CFH: variants seen among roughly 807,000 people sequenced by gnomAD.
CFH encodes the protein H factor 1 (complement).
Under a neutral mutation model 147.3 loss-of-function variants are expected in CFH, and 53 were observed. The observed-to-expected ratio is 0.36, with a 90% CI of 0.29 to 0.45. The LOEUF (loss-of-function observed/expected upper bound fraction) is 0.45, where lower values mean the gene tolerates loss of function less well. Among genes scored for constraint, CFH ranks in the 20% least tolerant of loss-of-function variants. The pLI is 1.00. For missense variants in CFH, 1,380 were observed against 1,498.0 expected, an observed-to-expected ratio of 0.92 and a Z score of 1.30; for synonymous variants, 536 against 489.4, an observed-to-expected ratio of 1.10 and a Z score of -1.26.
chr1:196,661,506 T>C (rs1488363669), intron 1 of CFH, among the ~76,000 whole-genome samples: 1 of 152,178 alleles, frequency 6.6e-6, no homozygotes, highest in African/African-American at 2.4e-5. Context: ...TGCTCTCTGG[T>C]TCATAGACAG....
In CFH at chr1:196,673,572, G is replaced by A. The variant is rs182283216; in HGVS notation, c.245-285G>A. On this transcript the variant is annotated intron_variant, in intron 2 of 21. Transcript: ENST00000367429. ...AGGCTGGTCTCGAACTCCTGGCCTC[G>A]TGATCCACCCACCTCAGCCTCCCAA... Among the ~76,000 whole-genome samples the A allele has an allele frequency of 3.0e-3, 451 of 152,170 alleles. 2 individuals carry two copies. The highest frequency in any genetic ancestry group is 0.013 in the East Asian group (68 of 5,158).
intron 9 of CFH, among the ~76,000 whole-genome samples, chr1:196,701,762 T>C (rs1224407153): frequency 6.6e-6 from 1 of 152,180 alleles, no homozygotes; most frequent in African/African-American, 2.4e-5. Flanking sequence ...AACTAAGGGC[T>C]GTCCCTTAGT....
intron 9 of CFH, chr1:196,690,465 A>G (rs569131499): frequency 1.8e-5 from 11 of 611,640 alleles, no homozygotes; most frequent in East Asian, 1.6e-4. Context: ...TTAGTCAAGA[A>G]TACAGTAAAA....
intron 1 of CFH, among the ~76,000 whole-genome samples, chr1:196,666,274 C>A (rs1667081798): frequency 6.6e-6 from 1 of 152,060 alleles, no homozygotes; most frequent in Non-Finnish European, 1.5e-5. Context: ...TTTCTATTTT[C>A]TTTAGATTTC....
At chr1:196,701,747 T>C (rs1668462354) in intron 9 of CFH, among the ~76,000 whole-genome samples, 1 of 152,156 alleles carries the variant, frequency 6.6e-6, no homozygotes, top group Admixed American at 6.5e-5. Context: ...TACTTAGCTC[T>C]CATGAACTAA....
chr1:196,725,058 G>A, intron 11 of CFH, 63 bp from the exon 12 acceptor site: 1 of 1,413,380 alleles, frequency 7.1e-7, no homozygotes, highest in Non-Finnish European at 9.8e-7. Context: ...TGTGGCATAT[G>A]TAAAATTAAC....
chr1:196,660,001 T>C (rs1323422630), intron 1 of CFH, among the ~76,000 whole-genome samples: 1 of 152,144 alleles, frequency 6.6e-6, no homozygotes. Flanking sequence ...AAAATAGTTA[T>C]AGCATTGTGA....
At chr1:196,744,351 C>A (rs1652929541) in intron 20 of CFH, among the ~76,000 whole-genome samples, 1 of 152,016 alleles carries the variant, frequency 6.6e-6, no homozygotes, top group Admixed American at 6.6e-5. Flanking sequence ...GGACTTAAAT[C>A]TCTGTCGTTT....
At chr1:196,664,327 G>A (rs533050079) in intron 1 of CFH, among the ~76,000 whole-genome samples, 1 of 152,304 alleles carries the variant, frequency 6.6e-6, no homozygotes, top group Non-Finnish European at 1.5e-5. Flanking sequence ...CTCCCAAAAT[G>A]TTGGGATTAC....
chr1:196,671,910 A>AAT (rs893073782), intron 1 of CFH, among the ~76,000 whole-genome samples: 2 of 150,276 alleles, frequency 1.3e-5, no homozygotes, highest in African/African-American at 2.4e-5. Flanking sequence ...ATATATAAAT[A>AAT]ATATATATAT....
At chr1:196,669,915 G>T (rs534254560) in intron 1 of CFH, among the ~76,000 whole-genome samples, 1 of 152,190 alleles carries the variant, frequency 6.6e-6, no homozygotes, top group Non-Finnish European at 1.5e-5. Flanking sequence ...AGTAGCCAGG[G>T]CAGGGGGCCA....
intron 1 of CFH, among the ~76,000 whole-genome samples, chr1:196,662,166 A>C (rs1026730278): frequency 6.6e-6 from 1 of 152,216 alleles, no homozygotes; most frequent in Non-Finnish European, 1.5e-5. Flanking sequence ...TGTATCTGGC[A>C]ACATATTTTC....
chr1:196,744,227 G>A (rs1652922708), intron 20 of CFH, among the ~76,000 whole-genome samples: 1 of 151,460 alleles, frequency 6.6e-6, no homozygotes, highest in Non-Finnish European at 1.5e-5. Flanking sequence ...TTATTGAAGT[G>A]AGTTTTTGTA....
At chr1:196,723,832 T>C (rs950359940) in intron 11 of CFH, among the ~76,000 whole-genome samples, 23 of 152,040 alleles carry the variant, frequency 1.5e-4, no homozygotes, top group African/African-American at 5.3e-4. Context: ...CCAGTGGAGT[T>C]GTAGCCACCC....
intron 17 of CFH, 35 bp from the exon 18 acceptor site, chr1:196,740,584 G>C (rs761149740): frequency 6.2e-7 from 1 of 1,601,320 alleles, no homozygotes; most frequent in Non-Finnish European, 8.5e-7. Context: ...AAATTTATGA[G>C]TTAGTGAAAC....
At chr1:196,725,350 AC>A in intron 12 of CFH, 53 bp downstream of exon 12, 1 of 1,559,186 alleles carries the variant, frequency 6.4e-7, no homozygotes, top group South Asian at 1.1e-5. Context: ...TTGAATACCA[AC>A]TTTTTTCTTA....
At chr1:196,746,784 C>T (rs1286095978) in intron 21 of CFH, among the ~76,000 whole-genome samples, 1 of 152,212 alleles carries the variant, frequency 6.6e-6, no homozygotes, top group East Asian at 1.9e-4. Flanking sequence ...CATATTATAG[C>T]TGAAAGTTTG....
In CFH at chr1:196,673,022, G is replaced by C. The variant is rs886045742; in HGVS notation, c.103G>C (p.Gly35Arg). ...PPRRNTEILTGSWSDQTYPEG... is the reference protein window; with the variant it reads ...PPRRNTEILTRSWSDQTYPEG... ...AAGAAGAAATACAGAAATTCTGACAGGTTCCTGGTCTGACCAAACATATCC... is the reference window on the plus strand; with the variant it reads ...AAGAAGAAATACAGAAATTCTGACACGTTCCTGGTCTGACCAAACATATCC... The change falls in exon 2 of 22, where the codon GGT becomes CGT. Residue 35 changes from glycine to arginine, a missense_variant. This residue lies in a region of CFH where 260 missense variants were observed against 263.3 expected (regional missense o/e 0.99). Coordinates refer to ENST00000367429, the MANE Select transcript of CFH (RefSeq NM_000186.4). 1.2e-6 allele frequency: 2 copies of C among 1,613,930 alleles called. No individual in the cohort carries two copies. The highest frequency in any genetic ancestry group is 2.2e-5 in the South Asian group (2 of 91,030).
chr1:196,736,889 C>T lies in CFH; in HGVS notation c.2479C>T (p.Leu827=). ...IPNSHNMTTT[L]NYRDGEKVSV... is the part of the protein sequence containing the mutation. ...CAATTCTCACAATATGACAACCACA[C>T]TGAATTATCGGGATGGAGAAAAAGT... The change falls in exon 16 of 22, where the codon CTG becomes TTG. Residue 827 remains leucine, a synonymous_variant. Coordinates refer to ENST00000367429, the MANE Select transcript of CFH (RefSeq NM_000186.4). The T allele has an allele frequency of 6.2e-7, 1 of 1,608,040 alleles. No individual in the cohort carries two copies. The highest frequency in any genetic ancestry group is 8.5e-7 in the Non-Finnish European group (1 of 1,176,514).
Sources: allele counts gnomAD v4.1 joint callset (sites outside exome capture counted in the v4.1 genomes callset), GRCh38; gene constraint gnomAD v4.1.1; regional missense constraint gnomAD v4.1.1; transcripts MANE v1.5; gene names NCBI Gene and HGNC (gene_info 2026-07-23, HGNC 2026-07-21).